Variants in RSRC1 observed in about 807,000 individuals in gnomAD.
RSRC1 encodes the protein serine/Arginine-related protein 53.
In RSRC1, 39 loss-of-function variants were observed where a neutral mutation model predicts 49.1. The observed-to-expected ratio is 0.79, with a 90% CI of 0.61 to 1.04. The LOEUF is 1.04. RSRC1 is among the 50% of genes least tolerant of loss of function. The pLI, the probability that RSRC1 is intolerant of heterozygous loss-of-function variation, is 0.00. For missense variants in RSRC1, 388 were observed against 402.4 expected (o/e 0.96, Z 0.31); for synonymous variants, 143 against 130.8 (o/e 1.09, Z -0.63).
intron 6 of RSRC1, among the ~76,000 whole-genome samples, chr3:158,375,736 G>A (rs1578402497): frequency 2.0e-5 from 3 of 152,216 alleles, no homozygotes; most frequent in Admixed American, 2.0e-4. Flanking sequence ...GCCTAAGCCT[G>A]TGTTCATTCT....
intron 3 of RSRC1, among the ~76,000 whole-genome samples, chr3:158,195,512 G>A (rs1189034411): frequency 3.3e-5 from 5 of 151,958 alleles, no homozygotes; most frequent in African/African-American, 2.4e-5. Context: ...ATTAGATCCT[G>A]TTTGTCAGTT....
intron 7 of RSRC1, among the ~76,000 whole-genome samples, chr3:158,535,578 CT>C (rs1220892800): frequency 6.6e-6 from 1 of 151,260 alleles, no homozygotes; most frequent in Non-Finnish European, 1.5e-5. Flanking sequence ...TATAAAGAGC[CT>C]GGATTCTTTG....
At position 158,545,193 on chromosome 3, in the gene RSRC1, C is replaced by CTTTCTTTTTTTTTTTTTTT. The variant is rs1713270845; in HGVS notation, c.*921_*922insCTTTTTTTTTTTTTTTTTT. The stretch of plus-strand genomic sequence containing the variant: ...CATGAATATTTCCCGTTTCTATTTT[C>CTTTCTTTTTTTTTTTTTTT]TTTTTTTTTTTTTTTTTTTTTTTTT... On this transcript the variant is annotated 3_prime_UTR_variant, in exon 10 of 10. Transcript: ENST00000611884. The CTTTCTTTTTTTTTTTTTTT allele has an allele frequency of 1.3e-5, 1 of 74,624 alleles. No individual in the cohort carries two copies. The highest frequency in any genetic ancestry group is 1.6e-4 in the Admixed American group (1 of 6,442). The allele number at this position is 74,624 out of a possible 1,614,324, so 4.6% of individuals were successfully genotyped here.
chr3:158,129,415 C>T (rs1004505584), intron 3 of RSRC1, among the ~76,000 whole-genome samples: 2 of 151,176 alleles, frequency 1.3e-5, no homozygotes, highest in Non-Finnish European at 2.9e-5. Flanking sequence ...CTCAGCCTCC[C>T]GGGTAGCTGG....
chr3:158,517,266 G>T (rs938403354), intron 7 of RSRC1, among the ~76,000 whole-genome samples: 2 of 152,126 alleles, frequency 1.3e-5, no homozygotes, highest in Non-Finnish European at 2.9e-5. Context: ...CAAATTATCT[G>T]TAAATACTTT....
chr3:158,415,786 A>C (rs1006640952), intron 6 of RSRC1, among the ~76,000 whole-genome samples: 1 of 152,088 alleles, frequency 6.6e-6, no homozygotes, highest in African/African-American at 2.4e-5. Context: ...ACTTTATGTT[A>C]TATTAAAATA....
chr3:158,288,075 A>T (rs1329786128), intron 4 of RSRC1, among the ~76,000 whole-genome samples: 1 of 152,124 alleles, frequency 6.6e-6, no homozygotes, highest in African/African-American at 2.4e-5. Flanking sequence ...TATGTGATGG[A>T]CCTAAAAACT....
chr3:158,348,599 AG>A (rs1296437217), intron 5 of RSRC1, among the ~76,000 whole-genome samples: 2 of 151,170 alleles, frequency 1.3e-5, no homozygotes, highest in Non-Finnish European at 2.9e-5. Context: ...TTTTTATTTT[AG>A]AGTTTGGGGA....
Position 158,147,102 on chromosome 3 carries a change from CTTTTTTTTTT to C in RSRC1, c.320+23129_320+23138del, listed in dbSNP as rs35460810. Among the ~76,000 whole-genome samples, 81 of 34,738 alleles carry C rather than the reference CTTTTTTTTTT, an allele frequency of 2.3e-3. 1 individual carries two copies. In the East Asian group the frequency reaches 0.056, roughly 24 times the overall value. 22.8% of individuals were successfully genotyped at this position (34,738 alleles called of 152,430 possible). On this transcript the variant is annotated intron_variant, in intron 3 of 9. Coordinates refer to ENST00000611884, the MANE Select transcript of RSRC1 (RefSeq NM_001271838.2). ...CCTTTTCTTTCTTCTGCTTTTCTGC[CTTTTTTTTTT>C]TTTTTTTTTTTTTTTTTGCTGATGT...
intron 3 of RSRC1, among the ~76,000 whole-genome samples, chr3:158,201,700 G>A (rs902231272): frequency 1.7e-4 from 26 of 151,674 alleles, no homozygotes; most frequent in African/African-American, 5.1e-4. Context: ...ATTTTTTTTC[G>A]TATTCTGGTA....
At chr3:158,415,655 C>T (rs1734702853) in intron 6 of RSRC1, among the ~76,000 whole-genome samples, 1 of 151,674 alleles carries the variant, frequency 6.6e-6, no homozygotes, top group Admixed American at 6.6e-5. Flanking sequence ...ATTAATAGTG[C>T]TATGTGAGTC....
At chr3:158,300,468 C>T (rs1727481540) in intron 5 of RSRC1, among the ~76,000 whole-genome samples, 1 of 152,110 alleles carries the variant, frequency 6.6e-6, no homozygotes. Context: ...TAAAATGGAG[C>T]TAAACTCACA....
chr3:158,141,313 G>C (rs1716737880), intron 3 of RSRC1, among the ~76,000 whole-genome samples: 1 of 152,136 alleles, frequency 6.6e-6, no homozygotes, highest in African/African-American at 2.4e-5. Context: ...GTCACATCAG[G>C]TATAGTGTGA....
intron 7 of RSRC1, among the ~76,000 whole-genome samples, chr3:158,514,498 C>G (rs902248893): frequency 4.1e-4 from 63 of 152,196 alleles, no homozygotes; most frequent in Middle Eastern, 6.8e-3. Flanking sequence ...GTTATAATTT[C>G]TGGTCTTTTA....
chr3:158,278,080 C>G (rs1368613525), intron 4 of RSRC1, among the ~76,000 whole-genome samples: 2 of 152,122 alleles, frequency 1.3e-5, no homozygotes, highest in Non-Finnish European at 2.9e-5. Context: ...CTAGACTTTA[C>G]CACTGTTAAG....
At chr3:158,227,598 CA>C (rs1052221924) in intron 4 of RSRC1, among the ~76,000 whole-genome samples, 1 of 151,970 alleles carries the variant, frequency 6.6e-6, no homozygotes, top group African/African-American at 2.4e-5. Context: ...ACTGTCCTGC[CA>C]AACAGGCAAA....
At chr3:158,343,999 G>A (rs1730405732) in intron 5 of RSRC1, among the ~76,000 whole-genome samples, 1 of 152,176 alleles carries the variant, frequency 6.6e-6, no homozygotes, top group Admixed American at 6.6e-5. Flanking sequence ...GAATGAGGCT[G>A]GGTACGATGG....
intron 3 of RSRC1, among the ~76,000 whole-genome samples, chr3:158,158,700 G>A (rs1282926494): frequency 6.6e-6 from 1 of 152,142 alleles, no homozygotes; most frequent in Non-Finnish European, 1.5e-5. Flanking sequence ...AGCACTTTGG[G>A]AGGCTGAGGC....
intron 3 of RSRC1, among the ~76,000 whole-genome samples, chr3:158,180,801 A>G (rs563544104): frequency 1.2e-3 from 137 of 117,246 alleles, no homozygotes; most frequent in African/African-American, 4.3e-3. Flanking sequence ...AAGGGATTAT[A>G]TGCTTTTTTT....
Sources: allele counts gnomAD v4.1 joint callset (sites outside exome capture counted in the v4.1 genomes callset), GRCh38; gene constraint gnomAD v4.1.1; transcripts MANE v1.5; gene names NCBI Gene and HGNC (gene_info 2026-07-23, HGNC 2026-07-21).